The following EIF4ENIF1 variants were observed in gnomAD, a reference collection of about 807,000 sequenced individuals.
EIF4ENIF1 encodes the protein eukaryotic translation initiation factor 4E nuclear import factor 1.
EIF4ENIF1 carries 23 observed loss-of-function variants against 110.5 expected under a neutral mutation model. The observed-to-expected ratio is 0.21, with a 90% CI of 0.15 to 0.29. The LOEUF is 0.29. EIF4ENIF1 is among the 10% of genes least tolerant of loss of function. The pLI, the probability that EIF4ENIF1 is intolerant of heterozygous loss-of-function variation, is 1.00. For missense variants in EIF4ENIF1, 1,031 were observed against 1,221.1 expected (o/e 0.84, Z 2.32); for synonymous variants, 440 against 437.0 (o/e 1.01, Z -0.09).
chr22:31,474,908 G>C (rs1240723581), intron 2 of EIF4ENIF1, among the ~76,000 whole-genome samples: 1 of 152,180 alleles, frequency 6.6e-6, no homozygotes, highest in Non-Finnish European at 1.5e-5. Flanking sequence ...CCCAGGCCTT[G>C]TAGTAGGAGA....
intron 6 of EIF4ENIF1, among the ~76,000 whole-genome samples, 176 bp from the exon 7 acceptor site, chr22:31,458,826 A>G (rs1249358366): frequency 6.6e-6 from 1 of 152,198 alleles, no homozygotes; most frequent in Non-Finnish European, 1.5e-5. Flanking sequence ...GGAGGCAGAA[A>G]AGGAAAAAAG....
intron 2 of EIF4ENIF1, among the ~76,000 whole-genome samples, chr22:31,477,284 T>C (rs1228372415): frequency 7.0e-6 from 1 of 143,210 alleles, no homozygotes; most frequent in African/African-American, 2.6e-5. Context: ...GAGAAATTGG[T>C]TGAATTCAGG....
chr22:31,487,213 A>G (rs2146117024), intron 2 of EIF4ENIF1, among the ~76,000 whole-genome samples: 1 of 152,322 alleles, frequency 6.6e-6, no homozygotes, highest in South Asian at 2.1e-4. Flanking sequence ...GAGAAAATAT[A>G]TTTGGGAAGA....
downstream of EIF4ENIF1, among the ~76,000 whole-genome samples, chr22:31,438,055 G>C (rs1488444903): frequency 6.6e-6 from 1 of 152,142 alleles, no homozygotes; most frequent in African/African-American, 2.4e-5. Context: ...CAGGCTTATA[G>C]TCATTATTCC....
chr22:31,455,833 G>C lies in EIF4ENIF1; in HGVS notation c.1099+19C>G. ...AAACCCAGGTTTACCTTCAAGGGCAGAATCTGAAGCCATTTTACCTGCAAG... is the reference window on the plus strand; with the variant it reads ...AAACCCAGGTTTACCTTCAAGGGCACAATCTGAAGCCATTTTACCTGCAAG... On this transcript the variant is annotated intron_variant, in intron 8 of 18. Coordinates refer to ENST00000330125, the MANE Select transcript of EIF4ENIF1 (RefSeq NM_019843.4). 6.2e-7 allele frequency: 1 copy of C among 1,613,174 alleles called. No homozygotes were observed. Among genetic ancestry groups the C allele is most frequent in the Non-Finnish European group, 8.5e-7 (1 of 1,179,652 alleles).
At chr22:31,476,065 A>G (rs994074803) in intron 2 of EIF4ENIF1, among the ~76,000 whole-genome samples, 4 of 152,190 alleles carry the variant, frequency 2.6e-5, no homozygotes, top group African/African-American at 9.7e-5. Flanking sequence ...TAGTAGAAAC[A>G]GGAAGGACCT....
chr22:31,483,201 G>A (rs1364676623), intron 2 of EIF4ENIF1, among the ~76,000 whole-genome samples: 3 of 141,172 alleles, frequency 2.1e-5, no homozygotes, highest in Non-Finnish European at 3.1e-5. Flanking sequence ...CCACTGCCAG[G>A]AGACGATCTT....
rs544951650 is a variant in EIF4ENIF1 at position 31,448,198 on chromosome 22, A to T, written c.1803T>A (p.Asp601Glu). The change falls in exon 13 of 19, where the codon GAT becomes GAA. Residue 601 changes from aspartate to glutamate, a missense_variant. Around this residue, in one of 3 missense-constraint regions of EIF4ENIF1, gnomAD observed 704 missense variants for 879.7 expected, o/e 0.80. Coordinates refer to ENST00000330125, the MANE Select transcript of EIF4ENIF1 (RefSeq NM_019843.4). ...TGGGTTTGCGCATGCCTTGGAATGG[A>T]TCTCCGAGTAGCTGCTGTGGTCCTG... ...FTPGPQQLLG[D>E]PFQGMRKPMS... 6.2e-7 allele frequency: 1 copy of T among 1,614,156 alleles called. No homozygotes were observed. Among genetic ancestry groups the T allele is most frequent in the South Asian group, 1.1e-5 (1 of 91,082 alleles).
intron 7 of EIF4ENIF1, 47 bp downstream of exon 7, chr22:31,458,428 C>A: frequency 7.3e-7 from 1 of 1,370,588 alleles, no homozygotes; most frequent in East Asian, 2.6e-5. Flanking sequence ...CTTAAATACT[C>A]AGGTCAAATT....
At chr22:31,475,516 C>T (rs1250949706) in intron 2 of EIF4ENIF1, among the ~76,000 whole-genome samples, 2 of 152,066 alleles carry the variant, frequency 1.3e-5, no homozygotes, top group African/African-American at 4.8e-5. Flanking sequence ...CTATAGGAGG[C>T]TGAGGCAGGC....
intron 2 of EIF4ENIF1, among the ~76,000 whole-genome samples, chr22:31,477,258 TGA>T (rs968565073): frequency 6.7e-6 from 1 of 149,854 alleles, no homozygotes; most frequent in Admixed American, 6.7e-5. Context: ...CAGCCTCACT[TGA>T]GAGGCCGAAG....
intron 3 of EIF4ENIF1, 55 bp downstream of exon 3, chr22:31,471,789 G>T: frequency 1.4e-6 from 2 of 1,421,136 alleles, no homozygotes; most frequent in South Asian, 1.3e-5. Context: ...ACCAAGTTTG[G>T]TATAACAAAA....
chr22:31,444,489 G>A, intron 15 of EIF4ENIF1, 117 bp downstream of exon 15: 1 of 939,178 alleles, frequency 1.1e-6, no homozygotes. Context: ...AAACTACTAG[G>A]TCAGTTATTT....
intron 17 of EIF4ENIF1, among the ~76,000 whole-genome samples, chr22:31,441,480 C>CA (rs2050293784): frequency 7.1e-6 from 1 of 141,638 alleles, no homozygotes; most frequent in Admixed American, 7.9e-5. Context: ...GCAGAGGTTG[C>CA]AGTGAGCTGA....
upstream of EIF4ENIF1, among the ~76,000 whole-genome samples, chr22:31,490,581 G>T (rs754284868): frequency 1.3e-5 from 2 of 152,184 alleles, no homozygotes; most frequent in Non-Finnish European, 2.9e-5. Flanking sequence ...ACCTGAATCT[G>T]TCCTTAGCCT....
intron 2 of EIF4ENIF1, among the ~76,000 whole-genome samples, chr22:31,487,008 C>T (rs964432617): frequency 2.0e-5 from 3 of 151,548 alleles, no homozygotes; most frequent in African/African-American, 7.3e-5. Flanking sequence ...ATCACTTGAA[C>T]TTAGGAGGCA....
Position 31,444,655 on chromosome 22 carries a change from T to C in EIF4ENIF1, c.2024A>G (p.His675Arg). ...QRVTKSPAPVHRGNSSSPAPA... is the reference protein window; with the variant it reads ...QRVTKSPAPVRRGNSSSPAPA... ...GGCAGGGGAAGAGGAATTCCCTCGA[T>C]GCACGGGTGCTGGTGACTTGGTCAC... is the stretch of plus-strand genomic sequence containing the variant. The change falls in exon 15 of 19, where the codon CAT becomes CGT. Residue 675 changes from histidine (H) to arginine (R), a missense_variant. Physicochemically the swap from His to Arg is conservative, Grantham distance 29. This residue lies in a region of EIF4ENIF1 where 704 missense variants were observed against 879.7 expected (regional missense o/e 0.80). Transcript: ENST00000330125. The C allele has an allele frequency of 6.2e-7, 1 of 1,614,152 alleles. No individual in the cohort carries two copies. Among genetic ancestry groups the C allele is most frequent in the Non-Finnish European group, 8.5e-7 (1 of 1,179,980 alleles).
chr22:31,470,546 T>C (rs534202454), intron 3 of EIF4ENIF1, among the ~76,000 whole-genome samples: 23 of 152,170 alleles, frequency 1.5e-4, no homozygotes, highest in Non-Finnish European at 3.2e-4. Context: ...CCCAAAGTGC[T>C]GGGATTACAG....
At chr22:31,456,144 TCCTC>T (rs2050803774) in intron 7 of EIF4ENIF1, among the ~76,000 whole-genome samples, 157 bp from the exon 8 acceptor site, 2 of 152,212 alleles carry the variant, frequency 1.3e-5, no homozygotes, top group African/African-American at 4.8e-5. Flanking sequence ...ACCTTTTTCT[TCCTC>T]CATCCTGGGT....
Sources: allele counts gnomAD v4.1 joint callset (sites outside exome capture counted in the v4.1 genomes callset), GRCh38; gene constraint gnomAD v4.1.1; regional missense constraint gnomAD v4.1.1; transcripts MANE v1.5; gene names NCBI Gene and HGNC (gene_info 2026-07-23, HGNC 2026-07-21).